GPC6: variants seen among roughly 807,000 people sequenced by gnomAD.
GPC6 encodes the protein glypican 6, also known as glypican-6.
In GPC6, 14 loss-of-function variants were observed where a neutral mutation model predicts 55.2. The observed-to-expected ratio is 0.25, with a 90% CI of 0.17 to 0.40. The LOEUF is 0.40. Among genes scored for constraint, GPC6 ranks in the 10% least tolerant of loss-of-function variants. The probability of loss-of-function intolerance (pLI) is 1.00; values close to 1 mark genes in which losing one functional copy is unlikely to be tolerated. For synonymous variants in GPC6, 278 were observed against 259.6 expected, an observed-to-expected ratio of 1.07 and a Z score of -0.68; for missense variants, 641 against 708.5, an observed-to-expected ratio of 0.90 and a Z score of 1.08.
intron 2 of GPC6, among the ~76,000 whole-genome samples, chr13:93,653,408 T>A (rs1880509181): frequency 6.6e-6 from 1 of 152,144 alleles, no homozygotes; most frequent in South Asian, 2.1e-4. Context: ...ATAATTGAAC[T>A]CTAAAAAACG....
Position 94,086,845 on chromosome 13 carries a change from AAC to A in GPC6, c.877+58955_877+58956del, listed in dbSNP as rs548977943. Among the ~76,000 whole-genome samples the A allele has an allele frequency of 1.4e-4, 21 of 152,338 alleles. No homozygotes were observed. The South Asian group carries it at 3.1e-3, about 23-fold the overall frequency. On this transcript the variant is annotated intron_variant, in intron 4 of 8. Transcript: ENST00000377047. Reference sequence around the variant, plus strand: ...AAGGAAAAGGAACTATTTTTAATAAAACACAGTTTTTCTCGTGAACAATTCTA... The same window carrying A: ...AAGGAAAAGGAACTATTTTTAATAAAACAGTTTTTCTCGTGAACAATTCTA...
chr13:93,787,678 G>C (rs1005127426), intron 2 of GPC6, among the ~76,000 whole-genome samples: 12 of 152,050 alleles, frequency 7.9e-5, no homozygotes, highest in Non-Finnish European at 1.8e-4. Context: ...CTTTTTGCTA[G>C]GAACAGTTGA....
chr13:93,858,496 A>C, intron 3 of GPC6, among the ~76,000 whole-genome samples: 1 of 151,746 alleles, frequency 6.6e-6, no homozygotes, highest in East Asian at 2.0e-4. Flanking sequence ...AAATGAGTGC[A>C]TGTAGGGAAG....
chr13:94,088,171 C>G (rs975688401), intron 4 of GPC6, among the ~76,000 whole-genome samples: 5 of 152,092 alleles, frequency 3.3e-5, no homozygotes, highest in Admixed American at 1.3e-4. Flanking sequence ...CCTAGGAGCT[C>G]TAGTTCAATA....
intron 1 of GPC6, among the ~76,000 whole-genome samples, chr13:93,532,116 T>G (rs2139414623): frequency 6.6e-6 from 1 of 152,342 alleles, no homozygotes; most frequent in Non-Finnish European, 1.5e-5. Flanking sequence ...CCTGTCACAG[T>G]GAATACGAGG....
chr13:93,469,815 T>G (rs1221307102), intron 1 of GPC6, among the ~76,000 whole-genome samples: 2 of 152,190 alleles, frequency 1.3e-5, no homozygotes, highest in African/African-American at 4.8e-5. Context: ...GGTGGTGGTG[T>G]TACTTTTTGT....
chr13:93,370,955 G>A (rs1056965546), intron 1 of GPC6, among the ~76,000 whole-genome samples: 4 of 152,026 alleles, frequency 2.6e-5, no homozygotes, highest in Non-Finnish European at 5.9e-5. Context: ...CAATTAGAAT[G>A]ATTCACCCTT....
chr13:94,398,376 G>A, intron 7 of GPC6, 90 bp from the exon 8 acceptor site: 1 of 978,690 alleles, frequency 1.0e-6, no homozygotes, highest in Non-Finnish European at 1.6e-6. Context: ...CTGACTGTCA[G>A]AGACAGTCAT....
At chr13:94,388,663 G>A (rs1880516750) in intron 7 of GPC6, among the ~76,000 whole-genome samples, 1 of 152,176 alleles carries the variant, frequency 6.6e-6, no homozygotes, top group Non-Finnish European at 1.5e-5. Context: ...TCTAGAGGCT[G>A]GGAAGTCCAA....
chr13:93,678,860 C>T (rs566837718), intron 2 of GPC6, among the ~76,000 whole-genome samples: 1 of 152,236 alleles, frequency 6.6e-6, no homozygotes, highest in East Asian at 1.9e-4. Context: ...CTGGGTCCAC[C>T]TGAACTTCCG....
At chr13:94,110,959 T>C (rs1364175563) in intron 4 of GPC6, among the ~76,000 whole-genome samples, 1 of 152,154 alleles carries the variant, frequency 6.6e-6, no homozygotes, top group Non-Finnish European at 1.5e-5. Flanking sequence ...GGAGCAGTTG[T>C]ACAAATATAA....
At chr13:93,574,826 TACA>T (rs1249775281) in intron 2 of GPC6, among the ~76,000 whole-genome samples, 1 of 152,186 alleles carries the variant, frequency 6.6e-6, no homozygotes. Flanking sequence ...TTATAAAACA[TACA>T]GTTTTTATTT....
At chr13:93,944,777 T>G (rs1048217345) in intron 3 of GPC6, among the ~76,000 whole-genome samples, 11 of 152,212 alleles carry the variant, frequency 7.2e-5, no homozygotes, top group Admixed American at 6.5e-4. Flanking sequence ...TGGGCACATG[T>G]TAAGCAGGGC....
At chr13:94,401,539 C>T (rs1218626885) in intron 8 of GPC6, among the ~76,000 whole-genome samples, 1 of 151,992 alleles carries the variant, frequency 6.6e-6, no homozygotes, top group Non-Finnish European at 1.5e-5. Context: ...TGGTTTCAAG[C>T]AGAGAATGGC....
chr13:94,289,194 A>C (rs1251477777), intron 5 of GPC6, among the ~76,000 whole-genome samples: 1 of 151,818 alleles, frequency 6.6e-6, no homozygotes, highest in Non-Finnish European at 1.5e-5. Context: ...AAATGGACCC[A>C]TTTCAAGCAA....
chr13:94,155,009 T>C (rs1210640421), intron 4 of GPC6, among the ~76,000 whole-genome samples: 1 of 152,162 alleles, frequency 6.6e-6, no homozygotes, highest in African/African-American at 2.4e-5. Flanking sequence ...CCTTGAGCGC[T>C]GGTGTCCCCA....
chr13:93,533,637 C>G (rs1399930523), intron 1 of GPC6, among the ~76,000 whole-genome samples: 6 of 152,068 alleles, frequency 3.9e-5, no homozygotes, highest in African/African-American at 1.2e-4. Flanking sequence ...TGAGATCTTG[C>G]CATCTTCTTT....
chr13:94,363,447 G>T (rs1178880143), intron 6 of GPC6, among the ~76,000 whole-genome samples: 1 of 152,184 alleles, frequency 6.6e-6, no homozygotes, highest in East Asian at 1.9e-4. Context: ...TTGACTGGGG[G>T]TATGGAGCAG....
At chr13:93,354,211 C>T (rs1880744121) in intron 1 of GPC6, among the ~76,000 whole-genome samples, 2 of 152,124 alleles carry the variant, frequency 1.3e-5, no homozygotes, top group Admixed American at 6.5e-5. Flanking sequence ...TGGAAAATGG[C>T]GACTAGCAAT....
Sources: allele counts gnomAD v4.1 joint callset (sites outside exome capture counted in the v4.1 genomes callset), GRCh38; gene constraint gnomAD v4.1.1; transcripts MANE v1.5; gene names NCBI Gene and HGNC (gene_info 2026-07-23, HGNC 2026-07-21).